Variants in MAP3K13 observed in about 807,000 individuals in gnomAD.
MAP3K13 encodes mitogen-activated protein kinase kinase kinase 13.
A neutral mutation model predicts 104.0 loss-of-function variants in MAP3K13; 52 were observed. The observed-to-expected ratio is 0.50, with a 90% confidence interval of 0.40 to 0.63. The LOEUF is 0.63. Ranked by LOEUF, MAP3K13 falls within the 20% of genes least tolerant of loss-of-function variation. The probability of loss-of-function intolerance (pLI) is 0.00; values close to 1 mark genes in which losing one functional copy is unlikely to be tolerated. For synonymous variants in MAP3K13, 394 were observed against 442.2 expected (o/e 0.89, Z 1.37); for missense variants, 914 against 1,218.5 (o/e 0.75, Z 3.72).
At chr3:185,397,277 T>C (rs539864943) in intron 1 of MAP3K13, among the ~76,000 whole-genome samples, 142 of 152,388 alleles carry the variant, frequency 9.3e-4, no homozygotes, top group African/African-American at 3.1e-3. Context: ...ATGTTTTTTC[T>C]AATTGCTTAT....
Position 185,428,610 on chromosome 3 carries a change from GCTC to G in MAP3K13, c.33_35del (p.Ser13del). The G allele has an allele frequency of 6.2e-7, 1 of 1,606,210 alleles. No individual in the cohort carries two copies. Among genetic ancestry groups the G allele is most frequent in the East Asian group, 2.2e-5 (1 of 44,738 alleles). Reference sequence around the variant, plus strand: ...GCCAACTTTCAGGAGCACCTGAGCTGCTCCTCTTCTCCACACTTACCCTTCAGT... The same window carrying G: ...GCCAACTTTCAGGAGCACCTGAGCTGCTCTTCTCCACACTTACCCTTCAGT... On this transcript the variant is annotated inframe_deletion, in exon 2 of 14. Transcript: ENST00000265026.
chr3:185,287,138 G>A (rs910593891), intron 2 of MAP3K13, among the ~76,000 whole-genome samples: 3 of 152,144 alleles, frequency 2.0e-5, no homozygotes, highest in Non-Finnish European at 2.9e-5. Flanking sequence ...TAGTCTTGCT[G>A]AATTCAGTAT....
intron 7 of MAP3K13, chr3:185,451,646 C>G: frequency 3.1e-6 from 1 of 318,484 alleles, no homozygotes; most frequent in South Asian, 3.8e-5. Flanking sequence ...CCAGGCAGAT[C>G]ACCTGAGGCC....
chr3:185,289,566 T>A (rs760581917), intron 2 of MAP3K13, among the ~76,000 whole-genome samples: 10 of 152,224 alleles, frequency 6.6e-5, no homozygotes, highest in Non-Finnish European at 1.3e-4. Flanking sequence ...TAGACACAAT[T>A]CTGATAGGCT....
intron 2 of MAP3K13, among the ~76,000 whole-genome samples, chr3:185,351,064 A>G (rs1321237481): frequency 6.6e-6 from 1 of 152,228 alleles, no homozygotes; most frequent in East Asian, 1.9e-4. Context: ...GTGCAGCAAC[A>G]TGGATGGAGC....
chr3:185,375,464 C>T (rs931665176), intron 1 of MAP3K13, among the ~76,000 whole-genome samples: 1 of 152,106 alleles, frequency 6.6e-6, no homozygotes, highest in Non-Finnish European at 1.5e-5. Context: ...GGCAGGCTAG[C>T]GGCTTGTAAC....
At chr3:185,477,233 T>C (rs1051391068) in intron 11 of MAP3K13, 93 bp from the exon 12 acceptor site, 45 of 806,630 alleles carry the variant, frequency 5.6e-5, no homozygotes, top group Non-Finnish European at 9.5e-5. Context: ...TGACTTTTGA[T>C]GATAATTACA....
rs1418246792 is a variant in MAP3K13 at position 185,458,801 on chromosome 3, C to T, written c.1279-4749C>T. On this transcript the variant is annotated intron_variant, in intron 7 of 13. Transcript: ENST00000265026. ...TCCAGCTGACTCCTTCCTGAGAAAA[C>T]GCGGCATTTGTTTTTCGTCAACAGC... Among the ~76,000 whole-genome samples the T allele has an allele frequency of 5.3e-5, 8 of 152,186 alleles. No individual in the cohort carries two copies. The East Asian group carries it at 5.8e-4, about 11-fold the overall frequency.
intron 3 of MAP3K13, among the ~76,000 whole-genome samples, chr3:185,442,693 C>T (rs1715391122): frequency 6.6e-6 from 1 of 151,850 alleles, no homozygotes; most frequent in South Asian, 2.1e-4. Context: ...ACTACTATGC[C>T]CAGCTAATTT....
At chr3:185,356,863 C>CATGT (rs72268579) in intron 2 of MAP3K13, among the ~76,000 whole-genome samples, 25,545 of 149,520 alleles carry the variant, frequency 0.17, 2,248 homozygotes, top group Middle Eastern at 0.25. Flanking sequence ...AGGCAGACTT[C>CATGT]ATGTATGTAT....
intron 7 of MAP3K13, among the ~76,000 whole-genome samples, chr3:185,454,727 TATATATGATATATATATCATATATATGAG>T (rs1560117402): frequency 2.8e-5 from 1 of 35,582 alleles, no homozygotes; most frequent in African/African-American, 6.8e-5. Flanking sequence ...ATATATATGA[TATATATGATATATATATCATATATATGAG>T]ATATATATGA....
At chr3:185,455,821 G>GATATATGAGAT (rs1560120930) in intron 7 of MAP3K13, among the ~76,000 whole-genome samples, 26 of 101,026 alleles carry the variant, frequency 2.6e-4, no homozygotes, top group Non-Finnish European at 4.4e-4. Flanking sequence ...ATATATATGA[G>GATATATGAGAT]ATATATATGA....
rs373169377 is a variant in MAP3K13, at chr3:185,482,135, C to T, written c.2800-220C>T. On this transcript the variant is annotated intron_variant, in intron 13 of 13. Coordinates refer to ENST00000265026, the MANE Select transcript of MAP3K13 (RefSeq NM_004721.5). The surrounding 1 kb of genome is among the most constrained non-coding windows in gnomAD (Gnocchi z 4.5). ...ACAACAGTGCCTGGAGCATAGTAAA[C>T]GCTATATAAGTGGTTGTGTGGTGGG... Among the ~76,000 whole-genome samples the T allele has an allele frequency of 1.4e-4, 21 of 152,264 alleles. No individual in the cohort carries two copies. Among genetic ancestry groups the T allele is most frequent in the African/African-American group, 4.1e-4 (17 of 41,556 alleles).
At position 185,482,931 on chromosome 3, in the gene MAP3K13, T is replaced by C. The variant is rs556797273; in HGVS notation, c.*475T>C. 1.3e-5 allele frequency: 3 copies of C among 233,324 alleles called. No homozygotes were observed. The East Asian group carries it at 1.8e-4, about 14-fold the overall frequency. 14.5% of individuals were successfully genotyped at this position (233,324 alleles called of 1,614,324 possible). A position where few individuals can be genotyped will look rare whatever the true frequency, so the allele number is the denominator to read the frequency against. On this transcript the variant is annotated 3_prime_UTR_variant, in exon 14 of 14. Coordinates refer to ENST00000265026, the MANE Select transcript of MAP3K13 (RefSeq NM_004721.5). The surrounding 1 kb of genome is among the most constrained non-coding windows in gnomAD (Gnocchi z 4.5). Reference sequence around the variant, plus strand: ...ATTGCTGCTTGAACAGGGGACCAGGTCTTTTGGCCATAAGTGACTAAAGAA... The same window carrying C: ...ATTGCTGCTTGAACAGGGGACCAGGCCTTTTGGCCATAAGTGACTAAAGAA...
intron 7 of MAP3K13, among the ~76,000 whole-genome samples, chr3:185,453,609 A>T (rs1281048144): frequency 6.6e-6 from 1 of 151,568 alleles, no homozygotes; most frequent in African/African-American, 2.4e-5. Flanking sequence ...TCTCTACTAA[A>T]AATACAAAAA....
Position 185,450,875 on chromosome 3 carries a change from G to A in MAP3K13, c.1170-412G>A. ...GAGGCCGAGGCGGGCGTATCACGAG[G>A]TCAGGAGATCGAGACCATCCTGGTT... is the stretch of plus-strand genomic sequence containing the variant. On this transcript the variant is annotated intron_variant, in intron 6 of 13. Coordinates refer to ENST00000265026, the MANE Select transcript of MAP3K13 (RefSeq NM_004721.5). This position sits in a 1 kb window ranked among gnomAD's most constrained non-coding sequence, Gnocchi z 4.2. Among the ~76,000 whole-genome samples, 1 of 152,170 alleles carries A rather than the reference G, an allele frequency of 6.6e-6. No individual in the cohort carries two copies. The highest frequency in any genetic ancestry group is 6.6e-5 in the Admixed American group (1 of 15,256).
chr3:185,298,364 T>G (rs1028000342), intron 2 of MAP3K13, among the ~76,000 whole-genome samples: 2 of 152,172 alleles, frequency 1.3e-5, no homozygotes, highest in South Asian at 2.1e-4. Flanking sequence ...TTCCACGTAT[T>G]TCAAGGAAAG....
intron 2 of MAP3K13, chr3:185,292,797 TAAG>T (rs1043067090): frequency 1.8e-5 from 18 of 985,282 alleles, no homozygotes; most frequent in Non-Finnish European, 2.0e-5. Context: ...GGGCTAATTC[TAAG>T]AAGGAGCACG....
chr3:185,321,211 C>T (rs940269618), intron 2 of MAP3K13, among the ~76,000 whole-genome samples: 2 of 151,766 alleles, frequency 1.3e-5, no homozygotes, highest in Non-Finnish European at 2.9e-5. Flanking sequence ...TATGCATGCA[C>T]ACACATATGC....
Sources: gnomAD v4.1 joint callset for allele counts (sites outside exome capture counted in the v4.1 genomes callset) on GRCh38, gnomAD v4.1.1 for gene constraint, Gnocchi (gnomAD v3.1) non-coding constraint, MANE v1.5 for transcripts, NCBI Gene and HGNC (gene_info 2026-07-23, HGNC 2026-07-21) for gene names.